Variants in MAP7 observed in about 807,000 individuals in gnomAD.
The protein encoded by MAP7 is microtubule associated protein 7.
Under a neutral mutation model 94.8 loss-of-function variants are expected in MAP7, and 52 were observed. The observed-to-expected ratio is 0.55, with a 90% CI of 0.44 to 0.69. The LOEUF (loss-of-function observed/expected upper bound fraction) is 0.69, where lower values mean the gene tolerates loss of function less well. Ranked by LOEUF, MAP7 falls within the 30% of genes least tolerant of loss-of-function variation. The pLI is 0.00. For synonymous variants in MAP7, 350 were observed against 357.0 expected, an observed-to-expected ratio of 0.98 and a Z score of 0.22; for missense variants, 940 against 964.6, an observed-to-expected ratio of 0.97 and a Z score of 0.34.
At chr6:136,420,123 A>G (rs948216610) in intron 2 of MAP7, 2 of 862,912 alleles carry the variant, frequency 2.3e-6, no homozygotes, top group South Asian at 1.3e-5. Flanking sequence ...TGGGAGCACA[A>G]TCTTTAATCA....
At position 136,474,952 on chromosome 6, in the gene MAP7, G is replaced by A. The variant is rs779604227; in HGVS notation, c.68-53153C>T. ...GCTGGTCTTGAACTCCTGACCTCAA[G>A]TGATCTGCCCACCTCAGTTTCCCAA... is the stretch of plus-strand genomic sequence containing the variant. On this transcript the variant is annotated intron_variant, in intron 1 of 17. Transcript: ENST00000354570. Among the ~76,000 whole-genome samples the A allele has an allele frequency of 2.0e-5, 3 of 152,130 alleles. No individual in the cohort carries two copies. The South Asian group carries it at 6.2e-4, about 32-fold the overall frequency.
intron 11 of MAP7, 40 bp from the exon 12 acceptor site, chr6:136,361,219 G>C: frequency 6.3e-7 from 1 of 1,597,210 alleles, no homozygotes; most frequent in East Asian, 2.2e-5. Flanking sequence ...AAAGACACCT[G>C]AGGAGAAATC....
At chr6:136,489,523 T>C (rs62420659) in intron 1 of MAP7, among the ~76,000 whole-genome samples, 4,262 of 138,738 alleles carry the variant, frequency 0.031, 96 homozygotes, top group Non-Finnish European at 0.044. Context: ...TAACATCAGG[T>C]TTCTTTTTTT....
intron 1 of MAP7, among the ~76,000 whole-genome samples, chr6:136,464,966 G>A (rs17723064): frequency 6.6e-6 from 1 of 152,166 alleles, no homozygotes; most frequent in Non-Finnish European, 1.5e-5. Context: ...AGCACTTTTT[G>A]TCTAGAGGAG....
intron 1 of MAP7, among the ~76,000 whole-genome samples, chr6:136,429,518 T>A (rs1794268049): frequency 6.6e-6 from 1 of 152,250 alleles, no homozygotes; most frequent in African/African-American, 2.4e-5. Context: ...AAGCAGTTAA[T>A]AAATTTATTT....
intron 1 of MAP7, among the ~76,000 whole-genome samples, chr6:136,475,368 T>C (rs1193234998): frequency 2.0e-5 from 3 of 152,226 alleles, no homozygotes; most frequent in Non-Finnish European, 2.9e-5. Context: ...ACATAAATTA[T>C]ATAATTGAAC....
intron 1 of MAP7, among the ~76,000 whole-genome samples, chr6:136,459,626 G>A (rs1804523713): frequency 6.6e-6 from 1 of 152,102 alleles, no homozygotes; most frequent in South Asian, 2.1e-4. Flanking sequence ...TGGACATTAT[G>A]CTATGTGAAA....
rs1006727485 is a variant in MAP7 at position 136,505,293 on chromosome 6, A to G, written c.67+45049T>C. Reference sequence around the variant, plus strand: ...TGTGTGTGTGTATATATATATATATATATATATATATATATATATAGTAAA... The same window carrying G: ...TGTGTGTGTGTATATATATATATATGTATATATATATATATATATAGTAAA... On this transcript the variant is annotated intron_variant, in intron 1 of 17. Transcript: ENST00000354570. Among the ~76,000 whole-genome samples the G allele has an allele frequency of 3.0e-5, 4 of 133,266 alleles. 1 individual carries two copies. Among genetic ancestry groups the G allele is most frequent in the African/African-American group, 5.8e-5 (2 of 34,652 alleles). The allele number at this position is 133,266 out of a possible 152,430, so 87.4% of individuals were successfully genotyped here. A position where few individuals can be genotyped will look rare whatever the true frequency, so the allele number is the denominator to read the frequency against.
intron 8 of MAP7, among the ~76,000 whole-genome samples, chr6:136,369,178 A>G (rs530559509): frequency 6.6e-6 from 1 of 152,368 alleles, no homozygotes; most frequent in East Asian, 1.9e-4. Flanking sequence ...GGTATTCAAA[A>G]AGTTTCACAT....
At chr6:136,543,379 C>T (rs769971206) in intron 1 of MAP7, among the ~76,000 whole-genome samples, 16 of 152,092 alleles carry the variant, frequency 1.1e-4, no homozygotes, top group Non-Finnish European at 2.4e-4. Context: ...CTGGGTGCAG[C>T]GGCTCACGCC....
chr6:136,442,227 A>G (rs1296224615), intron 1 of MAP7, among the ~76,000 whole-genome samples: 2 of 150,250 alleles, frequency 1.3e-5, no homozygotes, highest in African/African-American at 4.9e-5. Context: ...ACATGGTGAA[A>G]CCCCGTCACT....
chr6:136,346,446 A>G (rs1322468191), intron 16 of MAP7, among the ~76,000 whole-genome samples: 1 of 152,060 alleles, frequency 6.6e-6, no homozygotes, highest in Admixed American at 6.6e-5. Context: ...CCAGTAGTCC[A>G]AGCTACTCTG....
At chr6:136,491,471 T>C (rs1816581173) in intron 1 of MAP7, among the ~76,000 whole-genome samples, 1 of 152,190 alleles carries the variant, frequency 6.6e-6, no homozygotes, top group African/African-American at 2.4e-5. Flanking sequence ...GTCTGTTCAA[T>C]GGCATCACCC....
At chr6:136,549,112 C>A (rs1253310097) in intron 1 of MAP7, among the ~76,000 whole-genome samples, 2 of 152,220 alleles carry the variant, frequency 1.3e-5, no homozygotes, top group African/African-American at 4.8e-5. Context: ...ACGTACCCAA[C>A]CTCTTCCTAG....
chr6:136,375,022 A>C (rs1284050856), intron 7 of MAP7, among the ~76,000 whole-genome samples: 1 of 152,176 alleles, frequency 6.6e-6, no homozygotes, highest in Non-Finnish European at 1.5e-5. Context: ...AGTCTCCCAC[A>C]ATATATGTAT....
At chr6:136,451,374 T>C (rs888045007) in intron 1 of MAP7, among the ~76,000 whole-genome samples, 3 of 152,236 alleles carry the variant, frequency 2.0e-5, no homozygotes, top group African/African-American at 7.2e-5. Flanking sequence ...GCACATCTGT[T>C]GACAGCATGG....
intron 1 of MAP7, among the ~76,000 whole-genome samples, chr6:136,497,713 C>T (rs1202864711): frequency 2.7e-5 from 4 of 148,332 alleles, no homozygotes; most frequent in South Asian, 2.2e-4. Flanking sequence ...GCAGGAGAAT[C>T]GCTTGAACCC....
chr6:136,520,215 A>G (rs555420777), intron 1 of MAP7, among the ~76,000 whole-genome samples: 40 of 150,572 alleles, frequency 2.7e-4, no homozygotes, highest in East Asian at 2.3e-3. Context: ...AAAAAAAAAA[A>G]AGGGGGGAGG....
intron 1 of MAP7, among the ~76,000 whole-genome samples, chr6:136,477,348 A>G (rs976525963): frequency 2.0e-5 from 3 of 152,236 alleles, no homozygotes; most frequent in African/African-American, 7.2e-5. Flanking sequence ...ATGTAATATC[A>G]TGAACTACAA....
Sources: gnomAD v4.1 joint callset for allele counts (sites outside exome capture counted in the v4.1 genomes callset) on GRCh38, gnomAD v4.1.1 for gene constraint, MANE v1.5 for transcripts, NCBI Gene and HGNC (gene_info 2026-07-23, HGNC 2026-07-21) for gene names.